ANKRD17: variants seen among roughly 807,000 people sequenced by gnomAD.
ANKRD17 encodes ankyrin repeat domain 17.
ANKRD17 carries 19 observed loss-of-function variants against 229.7 expected under a neutral mutation model. That is an observed-to-expected ratio of 0.08 (90% CI 0.06 to 0.12). The LOEUF (loss-of-function observed/expected upper bound fraction) is 0.12, where lower values mean the gene tolerates loss of function less well. ANKRD17 is among the 10% of genes least tolerant of loss of function. ANKRD17 has a pLI of 1.00. For missense variants in ANKRD17, 2,176 were observed against 3,176.8 expected (o/e 0.68, Z 7.57); for synonymous variants, 1,112 against 1,146.1 (o/e 0.97, Z 0.60).
chr4:73,241,470 T>C lies in ANKRD17; in HGVS notation c.393+16806A>G, dbSNP rs998837242. On this transcript the variant is annotated intron_variant, in intron 1 of 33. Coordinates refer to ENST00000358602, the MANE Select transcript of ANKRD17 (RefSeq NM_032217.5). ...CTACAACATAAATGAACCTCGAGAA[T>C]AGTATATTAACTAACTAGTAAGTTA... Among the ~76,000 whole-genome samples, 22 of 152,158 alleles carry C rather than the reference T, an allele frequency of 1.4e-4. 1 individual carries two copies. Among genetic ancestry groups the C allele is most frequent in the African/African-American group, 4.8e-4 (20 of 41,446 alleles).
rs745621090 is a variant in ANKRD17, at chr4:73,146,772, C to A, written c.1861G>T (p.Ala621Ser). ...DVADVLLQAGADLEHESEGGR... is the reference protein window; with the variant it reads ...DVADVLLQAGSDLEHESEGGR... ...AAAGTAACATAGCTTACCAGATCTG[C>A]GCCTGCCTGAAGTAAGACATCTGCT... The change falls in exon 10 of 34, where the codon GCA becomes TCA. Residue 621 changes from alanine (A) to serine (S), a missense_variant. Transcript: ENST00000358602. The A allele has an allele frequency of 1.2e-6, 2 of 1,603,522 alleles. No individual in the cohort carries two copies. Among genetic ancestry groups the A allele is most frequent in the Admixed American group, 3.3e-5 (2 of 59,718 alleles).
intron 1 of ANKRD17, among the ~76,000 whole-genome samples, chr4:73,200,030 T>C (rs6813343): frequency 3.3e-4 from 51 of 152,302 alleles, no homozygotes; most frequent in African/African-American, 1.2e-3. Flanking sequence ...ACACTGATTA[T>C]GGAACAAAAT....
At chr4:73,172,568 G>C (rs897572099) in intron 2 of ANKRD17, among the ~76,000 whole-genome samples, 3 of 152,162 alleles carry the variant, frequency 2.0e-5, no homozygotes, top group African/African-American at 4.8e-5. Context: ...AGCACTGAAA[G>C]ATTAACAAAT....
chr4:73,105,253 T>G (rs1724474918), intron 24 of ANKRD17, among the ~76,000 whole-genome samples: 1 of 152,050 alleles, frequency 6.6e-6, no homozygotes, highest in Non-Finnish European at 1.5e-5. Flanking sequence ...ATCATAAGTT[T>G]GCAGGCGGTA....
At chr4:73,115,008 CA>C (rs1280406835) in intron 23 of ANKRD17, among the ~76,000 whole-genome samples, 2 of 152,140 alleles carry the variant, frequency 1.3e-5, no homozygotes, top group African/African-American at 4.8e-5. Context: ...GCAAAATTTG[CA>C]TTTCCTGCAA....
chr4:73,215,910 C>T (rs1740966848), intron 1 of ANKRD17, among the ~76,000 whole-genome samples: 2 of 152,236 alleles, frequency 1.3e-5, no homozygotes, highest in South Asian at 4.1e-4. Context: ...CTGAATATGA[C>T]AGCAGATATG....
intron 2 of ANKRD17, among the ~76,000 whole-genome samples, chr4:73,163,534 C>G (rs1164443228): frequency 6.6e-6 from 1 of 152,218 alleles, no homozygotes; most frequent in Non-Finnish European, 1.5e-5. Context: ...AAAAGGACCA[C>G]TCACTTGGTA....
chr4:73,187,006 A>G (rs1227154072), intron 1 of ANKRD17, among the ~76,000 whole-genome samples: 1 of 152,134 alleles, frequency 6.6e-6, no homozygotes, highest in Non-Finnish European at 1.5e-5. Context: ...ACCTGTAGTC[A>G]TAAGCCTGGT....
At chr4:73,219,540 G>T (rs1434971661) in intron 1 of ANKRD17, among the ~76,000 whole-genome samples, 2 of 152,224 alleles carry the variant, frequency 1.3e-5, no homozygotes, top group South Asian at 4.1e-4. Context: ...AACAAAAACA[G>T]CTAAGATAAA....
At position 73,189,256 on chromosome 4, in the gene ANKRD17, T is replaced by C. The variant is rs751210770; in HGVS notation, c.394-11723A>G. On this transcript the variant is annotated intron_variant, in intron 1 of 33. Coordinates refer to ENST00000358602, the MANE Select transcript of ANKRD17 (RefSeq NM_032217.5). ...CCCAATAGCAAATTAAATTTAGTAG[T>C]AGTATAAAAGACAACTACAAGAAAG... Among the ~76,000 whole-genome samples, 4 of 152,188 alleles carry C rather than the reference T, an allele frequency of 2.6e-5. No homozygotes were observed. In the East Asian group the frequency reaches 5.8e-4, roughly 22 times the overall value.
At chr4:73,198,916 C>T (rs1011950537) in intron 1 of ANKRD17, among the ~76,000 whole-genome samples, 2 of 152,042 alleles carry the variant, frequency 1.3e-5, no homozygotes, top group Non-Finnish European at 2.9e-5. Context: ...AGGAAGGTGA[C>T]GTAAAACTTG....
chr4:73,132,360 CGG>C (rs1728327715), intron 16 of ANKRD17, among the ~76,000 whole-genome samples: 2 of 152,104 alleles, frequency 1.3e-5, no homozygotes, highest in South Asian at 4.1e-4. Flanking sequence ...CCATCCACCT[CGG>C]CCTCCCAGAG....
chr4:73,208,042 C>A (rs577723417), intron 1 of ANKRD17, among the ~76,000 whole-genome samples: 3 of 152,082 alleles, frequency 2.0e-5, no homozygotes, highest in Admixed American at 2.0e-4. Flanking sequence ...CAAAAAAATT[C>A]TCCAGGCGTG....
chr4:73,119,977 A>C (rs1193941719), intron 21 of ANKRD17, among the ~76,000 whole-genome samples, 185 bp downstream of exon 21: 3 of 152,234 alleles, frequency 2.0e-5, no homozygotes, highest in Admixed American at 1.3e-4. Context: ...ACACAGAAAC[A>C]AATCAGACAA....
intron 11 of ANKRD17, 140 bp from the exon 12 acceptor site, chr4:73,142,907 A>T (rs1729789871): frequency 1.1e-6 from 1 of 877,266 alleles, no homozygotes; most frequent in East Asian, 2.9e-5. Flanking sequence ...ATGATTATAA[A>T]CACAAGGCCA....
intron 1 of ANKRD17, among the ~76,000 whole-genome samples, chr4:73,247,178 A>G (rs1744577840): frequency 1.3e-5 from 2 of 152,084 alleles, no homozygotes; most frequent in South Asian, 4.1e-4. Context: ...AAGATTAAAA[A>G]ACTTATACTC....
At chr4:73,180,846 C>A (rs1452083598) in intron 1 of ANKRD17, among the ~76,000 whole-genome samples, 1 of 152,186 alleles carries the variant, frequency 6.6e-6, no homozygotes, top group African/African-American at 2.4e-5. Flanking sequence ...CCATCTATAA[C>A]TTTAGACCCC....
chr4:73,215,634 C>T (rs1204233001), intron 1 of ANKRD17, among the ~76,000 whole-genome samples: 1 of 152,128 alleles, frequency 6.6e-6, no homozygotes, highest in Non-Finnish European at 1.5e-5. Flanking sequence ...AAAAATCATA[C>T]ATGGTTTTGA....
chr4:73,199,789 G>A (rs1214819791), intron 1 of ANKRD17, among the ~76,000 whole-genome samples: 1 of 152,142 alleles, frequency 6.6e-6, no homozygotes, highest in Non-Finnish European at 1.5e-5. Flanking sequence ...TTTTGTTGTA[G>A]TTTGAACCAA....
Sources: allele counts gnomAD v4.1 joint callset (sites outside exome capture counted in the v4.1 genomes callset), GRCh38; gene constraint gnomAD v4.1.1; transcripts MANE v1.5; gene names NCBI Gene and HGNC (gene_info 2026-07-23, HGNC 2026-07-21).